The following LDLRAD4 variants were observed in gnomAD, a reference collection of about 807,000 sequenced individuals.
LDLRAD4 encodes the protein low density lipoprotein receptor class A domain containing 4, also known as low-density lipoprotein receptor class A domain-containing protein 4.
LDLRAD4 carries 5 observed loss-of-function variants against 17.0 expected under a neutral mutation model. The observed-to-expected ratio is 0.29, with a 90% CI of 0.15 to 0.62. The LOEUF (loss-of-function observed/expected upper bound fraction) is 0.62, where lower values mean the gene tolerates loss of function less well. Ranked by LOEUF, LDLRAD4 falls within the 20% of genes least tolerant of loss-of-function variation. The pLI, the probability that LDLRAD4 is intolerant of heterozygous loss-of-function variation, is 0.84. For synonymous variants in LDLRAD4, 168 were observed against 171.8 expected, an observed-to-expected ratio of 0.98 and a Z score of 0.17; for missense variants, 340 against 424.7, an observed-to-expected ratio of 0.80 and a Z score of 1.75.
At chr18:13,262,918 G>T (rs1409668832) in intron 1 of LDLRAD4, among the ~76,000 whole-genome samples, 96 of 116,224 alleles carry the variant, frequency 8.3e-4, no homozygotes, top group Non-Finnish European at 1.4e-3. Flanking sequence ...CCCTGTGCGT[G>T]GGGGCTGAGT....
intron 3 of LDLRAD4, among the ~76,000 whole-genome samples, chr18:13,474,307 T>A (rs1487322761): frequency 2.6e-5 from 4 of 152,156 alleles, no homozygotes; most frequent in African/African-American, 9.7e-5. Flanking sequence ...CCGTGAGGAA[T>A]CCTCAACCAG....
chr18:13,423,128 T>A (rs994276582), intron 2 of LDLRAD4, among the ~76,000 whole-genome samples: 4 of 152,226 alleles, frequency 2.6e-5, no homozygotes, highest in Non-Finnish European at 5.9e-5. Context: ...GAGCCACCAC[T>A]TCTAGAAAAC....
chr18:13,481,498 C>A (rs567764362), intron 3 of LDLRAD4, among the ~76,000 whole-genome samples: 17 of 152,294 alleles, frequency 1.1e-4, no homozygotes, highest in African/African-American at 4.1e-4. Context: ...TTGTGCATGG[C>A]CCCGTCTGCT....
At chr18:13,356,738 C>A (rs1164844817) in intron 1 of LDLRAD4, among the ~76,000 whole-genome samples, 1 of 152,286 alleles carries the variant, frequency 6.6e-6, no homozygotes, top group East Asian at 1.9e-4. Flanking sequence ...TCCAGGAGCA[C>A]CCCCTGTCTT....
At chr18:13,524,790 C>T (rs1401330361) in intron 3 of LDLRAD4, among the ~76,000 whole-genome samples, 3 of 152,178 alleles carry the variant, frequency 2.0e-5, no homozygotes, top group Admixed American at 6.5e-5. Flanking sequence ...GGAAGCCTTG[C>T]GTTTTTCTCC....
At chr18:13,564,549 G>T (rs1260967117) in intron 3 of LDLRAD4, among the ~76,000 whole-genome samples, 1 of 133,998 alleles carries the variant, frequency 7.5e-6, no homozygotes, top group Non-Finnish European at 1.6e-5. Context: ...TTTTGAGAAT[G>T]GAAAAAGTTC....
At chr18:13,497,813 G>A (rs368512092) in intron 3 of LDLRAD4, among the ~76,000 whole-genome samples, 1 of 152,234 alleles carries the variant, frequency 6.6e-6, no homozygotes, top group Non-Finnish European at 1.5e-5. Flanking sequence ...CAGCGAAAAC[G>A]ACACCAGAGA....
rs565946768 is a variant in LDLRAD4, at chr18:13,498,994, A to G, written c.181+60610A>G. 4.4e-3 allele frequency among the ~76,000 whole-genome samples: 644 copies of G among 146,140 alleles called. 7 individuals carry two copies. The highest frequency in any genetic ancestry group is 0.016 in the African/African-American group (610 of 38,796). On this transcript the variant is annotated intron_variant, in intron 3 of 5. Transcript: ENST00000359446. ...GACACTGGAGAATCCATCTCCACAC[A>G]CGTCCCGCCGTGGACACTGGAGAAT...
rs1006472704 is a variant in LDLRAD4 at position 13,557,960 on chromosome 18, A to AT, written c.182-63151dup. 6.4e-4 allele frequency among the ~76,000 whole-genome samples: 98 copies of AT among 152,094 alleles called. 1 individual carries two copies. In the Middle Eastern group the frequency reaches 0.01, roughly 16 times the overall value. ...TGTTAAACAGGAACAAAATCTAATC[A>AT]TTTTTTCAAGGTACAAAAAAATTCC... is the stretch of plus-strand genomic sequence containing the variant. On this transcript the variant is annotated intron_variant, in intron 3 of 5. Transcript: ENST00000359446.
chr18:13,324,719 A>G (rs2081428863), intron 1 of LDLRAD4, among the ~76,000 whole-genome samples: 1 of 152,200 alleles, frequency 6.6e-6, no homozygotes, highest in Non-Finnish European at 1.5e-5. Context: ...CAATCAATTT[A>G]GAGGCTCATT....
intron 5 of LDLRAD4, 179 bp from the exon 7 acceptor site, chr18:13,644,948 T>A (rs915635702): frequency 4.9e-6 from 3 of 617,122 alleles, no homozygotes; most frequent in African/African-American, 3.7e-5. Context: ...TCATAAGGAA[T>A]CAGAAAAGTA....
intron 1 of LDLRAD4, among the ~76,000 whole-genome samples, chr18:13,338,105 T>C (rs2082194741): frequency 6.6e-6 from 1 of 152,224 alleles, no homozygotes; most frequent in Non-Finnish European, 1.5e-5. Context: ...TTCTCCTTAC[T>C]GCTGTGACCC....
At chr18:13,554,307 G>A (rs2094462772) in intron 3 of LDLRAD4, among the ~76,000 whole-genome samples, 1 of 152,188 alleles carries the variant, frequency 6.6e-6, no homozygotes, top group Non-Finnish European at 1.5e-5. Context: ...TTAGCCCATA[G>A]CAATGTATGA....
At chr18:13,388,334 G>A (rs1407333749) in intron 2 of LDLRAD4, among the ~76,000 whole-genome samples, 1 of 152,198 alleles carries the variant, frequency 6.6e-6, no homozygotes, top group Non-Finnish European at 1.5e-5. Flanking sequence ...CCTCGCCCAA[G>A]ACACAGGAGA....
At chr18:13,323,570 CA>C (rs1169547334) in intron 1 of LDLRAD4, among the ~76,000 whole-genome samples, 1 of 152,090 alleles carries the variant, frequency 6.6e-6, no homozygotes, top group African/African-American at 2.4e-5. Flanking sequence ...AAACTCCAAA[CA>C]AAACAAAACA....
chr18:13,393,387 A>G (rs1355178305), intron 2 of LDLRAD4, among the ~76,000 whole-genome samples: 2 of 152,098 alleles, frequency 1.3e-5, no homozygotes, highest in Admixed American at 6.5e-5. Context: ...TGTTTTCCAA[A>G]TGACAAGACC....
chr18:13,318,108 G>C (rs781113604), intron 1 of LDLRAD4, among the ~76,000 whole-genome samples: 1 of 152,142 alleles, frequency 6.6e-6, no homozygotes, highest in Non-Finnish European at 1.5e-5. Context: ...ACTGTTCCCT[G>C]AGTGTTGTCA....
chr18:13,517,114 G>A (rs895195824), intron 3 of LDLRAD4, among the ~76,000 whole-genome samples: 4 of 152,222 alleles, frequency 2.6e-5, no homozygotes, highest in Admixed American at 2.0e-4. Flanking sequence ...GCCTCCCAAA[G>A]TGCCAGGATT....
chr18:13,387,566 C>T (rs994061567), exon 2 of LDLRAD4: 11 of 677,140 alleles, frequency 1.6e-5, no homozygotes, highest in African/African-American at 5.5e-5. Context: ...CCCGCCCGCG[C>T]GAGAGCCGGG....
Sources: allele counts gnomAD v4.1 joint callset (sites outside exome capture counted in the v4.1 genomes callset), GRCh38; gene constraint gnomAD v4.1.1; transcripts MANE v1.5; gene names NCBI Gene and HGNC (gene_info 2026-07-23, HGNC 2026-07-21).